The following CTIF variants were observed in gnomAD, a reference collection of about 807,000 sequenced individuals.
The protein encoded by CTIF is cap binding complex dependent translation initiation factor.
In CTIF, 21 loss-of-function variants were observed where a neutral mutation model predicts 66.0. That is an observed-to-expected ratio of 0.32 (90% CI 0.23 to 0.46). The LOEUF (loss-of-function observed/expected upper bound fraction) is 0.46, where lower values mean the gene tolerates loss of function less well. CTIF is among the 20% of genes least tolerant of loss of function. The pLI is 1.00. For synonymous variants in CTIF, 345 were observed against 326.4 expected, an observed-to-expected ratio of 1.06 and a Z score of -0.62; for missense variants, 739 against 812.7, an observed-to-expected ratio of 0.91 and a Z score of 1.10.
In CTIF at chr18:48,572,357, G is replaced by C. The variant is rs572601253; in HGVS notation, c.-29+33045G>C. 7.9e-5 allele frequency among the ~76,000 whole-genome samples: 12 copies of C among 152,250 alleles called. No homozygotes were observed. The South Asian group carries it at 2.5e-3, about 32-fold the overall frequency. ...CATAGCCTCCCCAAGTCAATACGTA[G>C]AATTAACCATCACAGATCCAAGAAG... On this transcript the variant is annotated intron_variant, in intron 1 of 11. Transcript: ENST00000256413.
intron 9 of CTIF, among the ~76,000 whole-genome samples, chr18:48,765,019 G>A (rs1475788743): frequency 6.6e-6 from 1 of 152,206 alleles, no homozygotes; most frequent in African/African-American, 2.4e-5. Context: ...TCTCTCTGCA[G>A]CCAAGGAGAC....
At chr18:48,750,526 C>T (rs953470249) in intron 7 of CTIF, among the ~76,000 whole-genome samples, 4 of 152,262 alleles carry the variant, frequency 2.6e-5, no homozygotes, top group Admixed American at 6.5e-5. Flanking sequence ...AAACAATCCC[C>T]GAGCCCTGCC....
intron 6 of CTIF, among the ~76,000 whole-genome samples, chr18:48,711,327 C>T (rs2092221420): frequency 6.6e-6 from 1 of 152,222 alleles, no homozygotes; most frequent in Non-Finnish European, 1.5e-5. Flanking sequence ...GTTCATCTTT[C>T]CAGATTTGAA....
chr18:48,689,023 G>A (rs972720608), intron 6 of CTIF, among the ~76,000 whole-genome samples: 5 of 152,334 alleles, frequency 3.3e-5, no homozygotes, highest in Admixed American at 1.3e-4. Context: ...CCGCCATGCC[G>A]GGGCACAGAG....
At chr18:48,551,231 G>A (rs982756963) in intron 1 of CTIF, among the ~76,000 whole-genome samples, 4 of 151,724 alleles carry the variant, frequency 2.6e-5, no homozygotes, top group Admixed American at 6.6e-5. Context: ...AAGTCAAGAC[G>A]GAGGCCTTGG....
intron 10 of CTIF, among the ~76,000 whole-genome samples, chr18:48,852,233 T>TAAAAAAA (rs10591389): frequency 0.026 from 1,761 of 66,506 alleles, 106 homozygotes; most frequent in Admixed American, 0.046. Flanking sequence ...GACCCTGTCT[T>TAAAAAAA]AAAAAAAAAA....
chr18:48,584,206 G>A (rs1023523066), intron 1 of CTIF, among the ~76,000 whole-genome samples: 4 of 152,184 alleles, frequency 2.6e-5, no homozygotes, highest in Admixed American at 2.0e-4. Flanking sequence ...CAAGCTGCGC[G>A]ACTGTATATG....
intron 5 of CTIF, among the ~76,000 whole-genome samples, chr18:48,666,806 G>A (rs1339963157): frequency 6.6e-6 from 1 of 152,192 alleles, no homozygotes; most frequent in Non-Finnish European, 1.5e-5. Context: ...GTTGCAGGGA[G>A]GCCATGCTCC....
chr18:48,775,640 G>A (rs753590407), intron 9 of CTIF, among the ~76,000 whole-genome samples: 2 of 152,260 alleles, frequency 1.3e-5, no homozygotes, highest in Non-Finnish European at 2.9e-5. Flanking sequence ...ACATAAAGGG[G>A]GGCAGGGCCA....
chr18:48,602,058 C>T (rs371429679), intron 1 of CTIF, among the ~76,000 whole-genome samples: 40 of 152,336 alleles, frequency 2.6e-4, no homozygotes, highest in African/African-American at 9.1e-4. Flanking sequence ...CTTGCTGTTG[C>T]CAGATGACAG....
At chr18:48,658,721 T>G (rs918730660) in intron 3 of CTIF, among the ~76,000 whole-genome samples, 1 of 152,142 alleles carries the variant, frequency 6.6e-6, no homozygotes, top group Non-Finnish European at 1.5e-5. Flanking sequence ...CTGTGGCATA[T>G]GTACATGTAT....
At chr18:48,843,455 C>T (rs750549338) in intron 10 of CTIF, among the ~76,000 whole-genome samples, 1 of 152,104 alleles carries the variant, frequency 6.6e-6, no homozygotes, top group Non-Finnish European at 1.5e-5. Context: ...GTGATGATAA[C>T]CACCCATCTC....
intron 7 of CTIF, among the ~76,000 whole-genome samples, chr18:48,718,166 G>T (rs1233504554): frequency 6.6e-6 from 1 of 152,196 alleles, no homozygotes; most frequent in Non-Finnish European, 1.5e-5. Context: ...GCTATTAGTG[G>T]TCACCTTTTT....
At chr18:48,785,110 C>T (rs1911586216) in intron 9 of CTIF, among the ~76,000 whole-genome samples, 1 of 152,198 alleles carries the variant, frequency 6.6e-6, no homozygotes, top group African/African-American at 2.4e-5. Context: ...ACCATCCCAT[C>T]TTCCTTCTTC....
chr18:48,634,719 G>A (rs2144605896), intron 2 of CTIF, among the ~76,000 whole-genome samples: 1 of 152,258 alleles, frequency 6.6e-6, no homozygotes, highest in African/African-American at 2.4e-5. Context: ...TGGTCCGCAG[G>A]GGTCAGCCCC....
chr18:48,691,282 G>A (rs1313632641), intron 6 of CTIF, among the ~76,000 whole-genome samples: 1 of 152,162 alleles, frequency 6.6e-6, no homozygotes, highest in African/African-American at 2.4e-5. Context: ...GTGCCCAAGG[G>A]CCACTCTGGG....
At chr18:48,739,722 A>G (rs2092538156) in intron 7 of CTIF, among the ~76,000 whole-genome samples, 2 of 152,204 alleles carry the variant, frequency 1.3e-5, no homozygotes, top group African/African-American at 4.8e-5. Context: ...GGAAGCTGAG[A>G]GGCCTGTGGG....
At chr18:48,621,522 TGAG>T in intron 2 of CTIF, 1 of 362,274 alleles carries the variant, frequency 2.8e-6, no homozygotes, top group Non-Finnish European at 5.3e-6. Context: ...AGAAAGAATG[TGAG>T]GAGAAGTGAG....
intron 3 of CTIF, among the ~76,000 whole-genome samples, chr18:48,656,533 G>C (rs1345305406): frequency 6.6e-6 from 1 of 152,138 alleles, no homozygotes; most frequent in East Asian, 1.9e-4. Context: ...CTGAGCTGGG[G>C]ATGTCTCTGA....
Sources: gnomAD v4.1 joint callset for allele counts (sites outside exome capture counted in the v4.1 genomes callset) on GRCh38, gnomAD v4.1.1 for gene constraint, MANE v1.5 for transcripts, NCBI Gene and HGNC (gene_info 2026-07-23, HGNC 2026-07-21) for gene names.